DGUOK: variants seen among roughly 807,000 people sequenced by gnomAD.
DGUOK encodes deoxyguanosine kinase.
A neutral mutation model predicts 36.6 loss-of-function variants in DGUOK; 30 were observed. The observed-to-expected ratio is 0.82, with a 90% CI of 0.61 to 1.11. DGUOK has a LOEUF of 1.11. Among genes scored for constraint, DGUOK ranks in the 50% most tolerant of loss-of-function variants. The pLI, the probability that DGUOK is intolerant of heterozygous loss-of-function variation, is 0.00. For synonymous variants in DGUOK, 145 were observed against 126.3 expected, an observed-to-expected ratio of 1.15 and a Z score of -0.99; for missense variants, 361 against 336.4, an observed-to-expected ratio of 1.07 and a Z score of -0.57.
At chr2:73,950,537 C>T (rs1453052215) in intron 3 of DGUOK, 48 bp from the exon 4 acceptor site, 2 of 1,603,530 alleles carry the variant, frequency 1.2e-6, no homozygotes, top group East Asian at 2.2e-5. Flanking sequence ...CCTTTCATTC[C>T]ATTTCCCATT....
intron 4 of DGUOK, among the ~76,000 whole-genome samples, chr2:73,955,191 T>C (rs1172577066): frequency 6.6e-6 from 1 of 152,252 alleles, no homozygotes; most frequent in Non-Finnish European, 1.5e-5. Context: ...AATGAATAAT[T>C]ATAAATAGCT....
intron 1 of DGUOK, among the ~76,000 whole-genome samples, chr2:73,927,439 T>G (rs888102419): frequency 6.6e-6 from 1 of 152,238 alleles, no homozygotes; most frequent in Non-Finnish European, 1.5e-5. Context: ...GAATTTAAGA[T>G]AACGAATAAT....
At chr2:73,958,351 CTCACATTGCATT>C in intron 6 of DGUOK, 106 bp downstream of exon 6, 1 of 855,316 alleles carries the variant, frequency 1.2e-6, no homozygotes, top group East Asian at 2.6e-5. Flanking sequence ...TGCTTTGCAT[CTCACATTGCATT>C]TCACACTCCA....
At chr2:73,936,989 C>T (rs568188913) in intron 1 of DGUOK, among the ~76,000 whole-genome samples, 43 of 152,270 alleles carry the variant, frequency 2.8e-4, no homozygotes, top group Non-Finnish European at 1.2e-4. Context: ...AGAGGAGGCG[C>T]TTCAGGAAAT....
intron 1 of DGUOK, among the ~76,000 whole-genome samples, chr2:73,928,589 G>T (rs905771855): frequency 1.3e-5 from 2 of 152,186 alleles, no homozygotes; most frequent in South Asian, 4.1e-4. Flanking sequence ...AAGTGTGTTC[G>T]GGGAATAGGA....
chr2:73,947,298 A>C (rs1682406059), intron 3 of DGUOK, among the ~76,000 whole-genome samples: 1 of 152,244 alleles, frequency 6.6e-6, no homozygotes, highest in Non-Finnish European at 1.5e-5. Context: ...ATCCCCTTTA[A>C]GAAAAAAGCA....
intron 2 of DGUOK, among the ~76,000 whole-genome samples, chr2:73,939,852 A>G (rs1057359247): frequency 6.7e-6 from 1 of 150,340 alleles, no homozygotes; most frequent in African/African-American, 2.4e-5. Context: ...TAACAACCCT[A>G]TATATAGTTG....
intron 4 of DGUOK, among the ~76,000 whole-genome samples, chr2:73,953,964 C>T (rs1573569774): frequency 6.6e-6 from 1 of 152,006 alleles, no homozygotes; most frequent in Non-Finnish European, 1.5e-5. Context: ...GTGATCCGCC[C>T]GCCTCGGCCT....
At chr2:73,936,883 A>G (rs937880960) in intron 1 of DGUOK, among the ~76,000 whole-genome samples, 1 of 152,208 alleles carries the variant, frequency 6.6e-6, no homozygotes, top group African/African-American at 2.4e-5. Flanking sequence ...AGGACTAGCT[A>G]ATCCAGCTTA....
At position 73,938,948 on chromosome 2, in the gene DGUOK, A is replaced by G; in HGVS notation, c.181A>G (p.Thr61Ala). ...CACGTTTGTGAAGTTACTCACGAAA[A>G]CTTACCCAGAATGGCACGTAGCTAC... ...KSTFVKLLTK[T>A]YPEWHVATEP... The change falls in exon 2 of 7, where the codon ACT becomes GCT. Residue 61 changes from threonine to alanine, a missense_variant. Transcript: ENST00000264093. The G allele has an allele frequency of 6.2e-7, 1 of 1,614,082 alleles. No homozygotes were observed. Among genetic ancestry groups the G allele is most frequent in the Non-Finnish European group, 8.5e-7 (1 of 1,179,954 alleles).
intron 2 of DGUOK, among the ~76,000 whole-genome samples, chr2:73,941,137 A>C (rs1681874347): frequency 6.6e-6 from 1 of 152,190 alleles, no homozygotes; most frequent in African/African-American, 2.4e-5. Flanking sequence ...CCATGTCAGG[A>C]AGCAGCCTTT....
chr2:73,935,137 A>C (rs1681362136), intron 1 of DGUOK, among the ~76,000 whole-genome samples: 1 of 152,074 alleles, frequency 6.6e-6, no homozygotes, highest in Admixed American at 6.5e-5. Flanking sequence ...GCTACTCAGG[A>C]GGCTGAGGTG....
chr2:73,945,502 T>TC (rs1682234186), intron 2 of DGUOK, among the ~76,000 whole-genome samples: 1 of 152,188 alleles, frequency 6.6e-6, no homozygotes, highest in Non-Finnish European at 1.5e-5. Flanking sequence ...GAGTGGATTT[T>TC]CCCCTCTGGA....
chr2:73,943,289 A>G (rs764187006), intron 2 of DGUOK, among the ~76,000 whole-genome samples: 2 of 151,290 alleles, frequency 1.3e-5, no homozygotes, highest in Non-Finnish European at 2.9e-5. Context: ...AGTTGGGACT[A>G]TAGGTGCATA....
chr2:73,951,703 G>A (rs1682717911), intron 4 of DGUOK, among the ~76,000 whole-genome samples: 1 of 152,156 alleles, frequency 6.6e-6, no homozygotes, highest in African/African-American at 2.4e-5. Flanking sequence ...GGAGAGGACT[G>A]GAAGGAAGGG....
At position 73,946,753 on chromosome 2, in the gene DGUOK, A is replaced by G. The variant is rs373983566; in HGVS notation, c.290A>G (p.Asp97Gly). Residue 97 changes from aspartate (D) to glycine (G), a missense_variant, in exon 3 of 7, where the codon GAT becomes GGT. Coordinates refer to ENST00000264093, the MANE Select transcript of DGUOK (RefSeq NM_080916.3). The stretch of plus-strand genomic sequence containing the variant: ...GCCCAAAGTCTTGGAAACTTGCTGG[A>G]TATGATGTACCGGGAGCCAGCACGA... ...CTAQSLGNLL[D>G]MMYREPARWS... The G allele has an allele frequency of 1.1e-5, 18 of 1,614,004 alleles. No homozygotes were observed. Among genetic ancestry groups the G allele is most frequent in the Middle Eastern group, 1.6e-4 (1 of 6,072 alleles).
At chr2:73,944,033 A>T (rs775212655) in intron 2 of DGUOK, among the ~76,000 whole-genome samples, 1 of 152,138 alleles carries the variant, frequency 6.6e-6, no homozygotes, top group Non-Finnish European at 1.5e-5. Context: ...CAGTGGCCCT[A>T]TTATAGCTCA....
intron 1 of DGUOK, among the ~76,000 whole-genome samples, chr2:73,928,049 A>G (rs1680737863): frequency 6.6e-6 from 1 of 152,236 alleles, no homozygotes; most frequent in Non-Finnish European, 1.5e-5. Flanking sequence ...AAACAACATA[A>G]ATTAAGCAAG....
chr2:73,954,262 G>A (rs925404485), intron 4 of DGUOK, among the ~76,000 whole-genome samples: 1 of 152,152 alleles, frequency 6.6e-6, no homozygotes, highest in Non-Finnish European at 1.5e-5. Context: ...GATATCACTT[G>A]AGCCTGGGAG....
Sources: allele counts gnomAD v4.1 joint callset (sites outside exome capture counted in the v4.1 genomes callset), GRCh38; gene constraint gnomAD v4.1.1; transcripts MANE v1.5; gene names NCBI Gene and HGNC (gene_info 2026-07-23, HGNC 2026-07-21).